The following MTHFD2L variants were observed in gnomAD, a reference collection of about 807,000 sequenced individuals.
MTHFD2L encodes bifunctional methylenetetrahydrofolate dehydrogenase/cyclohydrolase 2, mitochondrial.
A neutral mutation model predicts 34.9 loss-of-function variants in MTHFD2L; 29 were observed. That is an observed-to-expected ratio of 0.83 (90% CI 0.62 to 1.13). MTHFD2L has a LOEUF of 1.13. Among genes scored for constraint, MTHFD2L ranks in the 50% most tolerant of loss-of-function variants. The probability of loss-of-function intolerance (pLI) is 0.00; values close to 1 mark genes in which losing one functional copy is unlikely to be tolerated. For missense variants in MTHFD2L, 481 were observed against 446.5 expected (o/e 1.08, Z -0.70); for synonymous variants, 167 against 155.7 (o/e 1.07, Z -0.54).
At chr4:74,208,394 CATT>C (rs767161479) in intron 5 of MTHFD2L, among the ~76,000 whole-genome samples, 4 of 152,046 alleles carry the variant, frequency 2.6e-5, no homozygotes, top group Non-Finnish European at 5.9e-5. Context: ...GGAAATTATA[CATT>C]ATTATCAGAC....
At chr4:74,155,899 C>T (rs1390188420), upstream of MTHFD2L, among the ~76,000 whole-genome samples, 2 of 81,506 alleles carry the variant, frequency 2.5e-5, no homozygotes, top group Non-Finnish European at 4.7e-5. Flanking sequence ...AAAAGCCATT[C>T]CATGTGATTT....
intron 6 of MTHFD2L, among the ~76,000 whole-genome samples, chr4:74,249,844 A>C (rs931281304): frequency 6.6e-6 from 1 of 152,208 alleles, no homozygotes; most frequent in Non-Finnish European, 1.5e-5. Flanking sequence ...TTCTGCTGAG[A>C]GATCCACTGT....
intron 1 of MTHFD2L, among the ~76,000 whole-genome samples, chr4:74,131,058 C>T (rs1207192597): frequency 1.3e-5 from 2 of 152,112 alleles, no homozygotes; most frequent in African/African-American, 4.8e-5. Context: ...TCAAGAAGAA[C>T]TACAAACCGC....
At position 74,142,499 on chromosome 4, in the gene MTHFD2L, C is replaced by T. The variant is rs183827869; in HGVS notation, c.-297+16982C>T. Among the ~76,000 whole-genome samples, 359 of 152,306 alleles carry T rather than the reference C, an allele frequency of 2.4e-3. 1 individual carries two copies. The highest frequency in any genetic ancestry group is 7.2e-3 in the African/African-American group (299 of 41,572). Reference sequence around the variant, plus strand: ...GAGGACTCTCACCAAAGCCTAACTACGCTGGCAACCTGACTTCAGATTTTC... The same window carrying T: ...GAGGACTCTCACCAAAGCCTAACTATGCTGGCAACCTGACTTCAGATTTTC... On this transcript the variant is annotated intron_variant, in intron 1 of 7. Transcript: ENST00000433372.
chr4:74,149,002 T>A (rs1723772502), intron 1 of MTHFD2L, among the ~76,000 whole-genome samples: 1 of 151,754 alleles, frequency 6.6e-6, no homozygotes, highest in South Asian at 2.1e-4. Flanking sequence ...GGAAACCCAG[T>A]GTATTTTTCT....
At chr4:74,291,003 CTTTTTTTTTTTTTTTT>C (rs10585551) in intron 7 of MTHFD2L, among the ~76,000 whole-genome samples, 1 of 29,272 alleles carries the variant, frequency 3.4e-5, no homozygotes, top group African/African-American at 1.1e-4. Context: ...TTTTCCTTTT[CTTTTTTTTTTTTTTTT>C]TTTTTTTTTT....
intron 1 of MTHFD2L, chr4:74,143,353 CTT>C (rs1302145217): frequency 1.1e-6 from 1 of 951,238 alleles, no homozygotes; most frequent in Non-Finnish European, 1.3e-6. Flanking sequence ...GAAATATACT[CTT>C]TGAGAAAAAT....
intron 6 of MTHFD2L, among the ~76,000 whole-genome samples, chr4:74,259,353 C>G (rs775661718): frequency 3.3e-5 from 5 of 152,140 alleles, no homozygotes; most frequent in Admixed American, 6.5e-5. Context: ...TCATCCTCAT[C>G]TCAGCACAGG....
chr4:74,256,867 A>G (rs1744093878), intron 6 of MTHFD2L, among the ~76,000 whole-genome samples: 1 of 152,054 alleles, frequency 6.6e-6, no homozygotes, highest in South Asian at 2.1e-4. Flanking sequence ...AAGTTGGGTA[A>G]TGTAGAGTTT....
In MTHFD2L at chr4:74,175,188, G is replaced by A. The variant is rs963788981; in HGVS notation, c.329-93G>A. ...GCATGGAACATCAGAACCTTTCACG[G>A]CAGTAGGAACAGTCCCACACTGTGT... On this transcript the variant is annotated intron_variant, in intron 2 of 7. Coordinates refer to ENST00000325278, the MANE Select transcript of MTHFD2L (RefSeq NM_001144978.3). 10 of 1,336,856 alleles carry A rather than the reference G, an allele frequency of 7.5e-6. No individual in the cohort carries two copies. In the African/African-American group the frequency reaches 1.3e-4, roughly 18 times the overall value. The allele number at this position is 1,336,856 out of a possible 1,614,324, so 82.8% of individuals were successfully genotyped here. A position where few individuals can be genotyped will look rare whatever the true frequency, so the allele number is the denominator to read the frequency against.
At chr4:74,163,508 G>T (rs1209735004) in intron 1 of MTHFD2L, among the ~76,000 whole-genome samples, 2 of 152,168 alleles carry the variant, frequency 1.3e-5, no homozygotes, top group Non-Finnish European at 2.9e-5. Flanking sequence ...ACGAAGAAGA[G>T]TCATATATAA....
chr4:74,270,055 C>T (rs1292708333), intron 6 of MTHFD2L, among the ~76,000 whole-genome samples: 1 of 152,080 alleles, frequency 6.6e-6, no homozygotes, highest in Non-Finnish European at 1.5e-5. Flanking sequence ...GAATCTGTAT[C>T]CCTACACAAT....
At position 74,187,707 on chromosome 4, in the gene MTHFD2L, G is replaced by C. The variant is rs189227691; in HGVS notation, c.452-12087G>C. The stretch of plus-strand genomic sequence containing the variant: ...GTACATTTTGGAAAACTGGAAAATA[G>C]TTTGGCAGTATCTTAAAACGTTAAA... On this transcript the variant is annotated intron_variant, in intron 3 of 7. Transcript: ENST00000325278. Among the ~76,000 whole-genome samples, 30 of 149,874 alleles carry C rather than the reference G, an allele frequency of 2.0e-4. No individual in the cohort carries two copies. The East Asian group carries it at 5.5e-3, about 27-fold the overall frequency.
At chr4:74,298,423 G>A (rs990016885) in intron 7 of MTHFD2L, among the ~76,000 whole-genome samples, 2 of 151,964 alleles carry the variant, frequency 1.3e-5, no homozygotes, top group African/African-American at 4.8e-5. Flanking sequence ...CAGACACTGA[G>A]CTAAAAAATT....
chr4:74,137,332 A>C (rs1723002990), intron 1 of MTHFD2L, among the ~76,000 whole-genome samples: 1 of 152,194 alleles, frequency 6.6e-6, no homozygotes. Flanking sequence ...CTCAAAAGGA[A>C]ATATACAAAT....
chr4:74,274,829 C>T (rs1746410760), intron 6 of MTHFD2L, among the ~76,000 whole-genome samples: 1 of 152,116 alleles, frequency 6.6e-6, no homozygotes, highest in Non-Finnish European at 1.5e-5. Context: ...TCAAATTCTA[C>T]ACATCAGAGA....
At chr4:74,124,274 GT>G (rs990172552), upstream of MTHFD2L, among the ~76,000 whole-genome samples, 8 of 150,114 alleles carry the variant, frequency 5.3e-5, no homozygotes, top group South Asian at 2.1e-4. Context: ...AGCATTAAAA[GT>G]TTTTTTTTAA....
chr4:74,180,128 T>A (rs1175715060), intron 3 of MTHFD2L, among the ~76,000 whole-genome samples: 1 of 152,138 alleles, frequency 6.6e-6, no homozygotes, highest in Non-Finnish European at 1.5e-5. Context: ...GGCTGGGAAA[T>A]ACAAAAATTG....
At chr4:74,279,107 G>A (rs1245224118) in intron 6 of MTHFD2L, among the ~76,000 whole-genome samples, 4 of 152,034 alleles carry the variant, frequency 2.6e-5, no homozygotes, top group Non-Finnish European at 4.4e-5. Context: ...GACCATCACT[G>A]TATTATTTAT....
Sources: allele counts gnomAD v4.1 joint callset (sites outside exome capture counted in the v4.1 genomes callset), GRCh38; gene constraint gnomAD v4.1.1; transcripts MANE v1.5; gene names NCBI Gene and HGNC (gene_info 2026-07-23, HGNC 2026-07-21).